MARS1: variants seen among roughly 807,000 people sequenced by gnomAD.
MARS1 encodes methionine--tRNA ligase, cytoplasmic.
MARS1 carries 80 observed loss-of-function variants against 119.5 expected under a neutral mutation model. The ratio of observed to expected loss-of-function variants is 0.67; its 90% CI spans 0.56 to 0.81. The LOEUF is 0.81. Among genes scored for constraint, MARS1 ranks in the 30% least tolerant of loss-of-function variants. The probability of loss-of-function intolerance (pLI) is 0.00; values close to 1 mark genes in which losing one functional copy is unlikely to be tolerated. For synonymous variants in MARS1, 418 were observed against 433.4 expected (o/e 0.96, Z 0.44); for missense variants, 945 against 1,116.5 (o/e 0.85, Z 2.19).
At position 57,512,244 on chromosome 12, in the gene MARS1, G is replaced by T; in HGVS notation, c.1644G>T (p.Leu548=). The T allele has an allele frequency of 6.2e-7, 1 of 1,613,886 alleles. No homozygotes were observed. The highest frequency in any genetic ancestry group is 8.5e-7 in the Non-Finnish European group (1 of 1,179,754). ...TAACCACATTCCCCTAGGTGGACCT[G>T]TATCAGTTCATGGCCAAAGACAATG... ...RWWKNPEQVD[L]YQFMAKDNVP... is the part of the protein sequence containing the mutation. The change falls in exon 14 of 21, where the codon CTG becomes CTT. Residue 548 remains leucine, a synonymous_variant. Transcript: ENST00000262027.
chr12:57,507,796 G>A (rs1432700450), intron 11 of MARS1, among the ~76,000 whole-genome samples: 7 of 149,868 alleles, frequency 4.7e-5, no homozygotes, highest in South Asian at 4.2e-4. Context: ...CTGGCCGGGC[G>A]GAGGCTGACC....
In MARS1 at chr12:57,515,073, A is replaced by C. The variant is rs373783296; in HGVS notation, c.2204+15A>C. On this transcript the variant is annotated intron_variant, in intron 17 of 20. Coordinates refer to ENST00000262027, the MANE Select transcript of MARS1 (RefSeq NM_004990.4). Reference sequence around the variant, plus strand: ...GAGGCTGACAGGTAGGTAAGCGGGGAGGGTTGGCTAAAGGCATAAAGTGGC... The same window carrying C: ...GAGGCTGACAGGTAGGTAAGCGGGGCGGGTTGGCTAAAGGCATAAAGTGGC... 3 of 1,613,952 alleles carry C rather than the reference A, an allele frequency of 1.9e-6. No individual in the cohort carries two copies. In the African/African-American group the frequency reaches 4.0e-5, roughly 22 times the overall value.
Position 57,498,485 on chromosome 12 carries a change from C to G in MARS1, c.953C>G (p.Thr318Arg), listed in dbSNP as rs1303392933. ...LCGTDEYGTATETKALEEGLT... is the reference protein window; with the variant it reads ...LCGTDEYGTARETKALEEGLT... ...GGGACAGATGAGTATGGTACAGCAA[C>G]AGAGACCAAGGCTCTGGAGGAGGGA... is the stretch of plus-strand genomic sequence containing the variant. Residue 318 changes from threonine (T) to arginine (R), a missense_variant, in exon 9 of 21, where the codon ACA (threonine) becomes AGA (arginine). Coordinates refer to ENST00000262027, the MANE Select transcript of MARS1 (RefSeq NM_004990.4). 6.2e-7 allele frequency: 1 copy of G among 1,614,112 alleles called. No individual in the cohort carries two copies. The highest frequency in any genetic ancestry group is 8.5e-7 in the Non-Finnish European group (1 of 1,180,054).
chr12:57,505,135 A>G (rs1877121515), intron 11 of MARS1, among the ~76,000 whole-genome samples: 1 of 151,038 alleles, frequency 6.6e-6, no homozygotes, highest in Non-Finnish European at 1.5e-5. Context: ...AGGCATGAGC[A>G]ACTGTGTCCA....
chr12:57,508,338 G>A (rs945819213), intron 11 of MARS1, among the ~76,000 whole-genome samples: 13 of 152,140 alleles, frequency 8.5e-5, no homozygotes, highest in Middle Eastern at 3.4e-3. Flanking sequence ...GTAGCGAGCC[G>A]AGATCACACC....
chr12:57,500,272 C>T, intron 9 of MARS1, 49 bp from the exon 10 acceptor site: 1 of 1,510,708 alleles, frequency 6.6e-7, no homozygotes, highest in Non-Finnish European at 9.2e-7. Context: ...GGAAGGGGTC[C>T]ACCACGTCTT....
At chr12:57,508,527 G>T (rs1316692072) in intron 11 of MARS1, among the ~76,000 whole-genome samples, 1 of 152,256 alleles carries the variant, frequency 6.6e-6, no homozygotes, top group African/African-American at 2.4e-5. Flanking sequence ...CAGGCGTGGC[G>T]GCACGCGCCC....
At position 57,515,619 on chromosome 12, in the gene MARS1, G is replaced by T. The variant is rs924174041; in HGVS notation, c.2391+283G>T. ...TCTCCATAATGCTAGCAGATAGTGG[G>T]CAGGGAAAATACAGGAAAGCCATTT... On this transcript the variant is annotated intron_variant, in intron 18 of 20. Transcript: ENST00000262027. 4 of 560,784 alleles carry T rather than the reference G, an allele frequency of 7.1e-6. No individual in the cohort carries two copies. The African/African-American group carries it at 7.5e-5, about 11-fold the overall frequency. The allele number at this position is 560,784 out of a possible 1,614,324, so 34.7% of individuals were successfully genotyped here.
intron 10 of MARS1, among the ~76,000 whole-genome samples, chr12:57,503,285 G>A (rs1284710712): frequency 4.0e-5 from 6 of 149,796 alleles, no homozygotes; most frequent in African/African-American, 1.5e-4. Flanking sequence ...CCGGGCTGGA[G>A]TGCAATGGCG....
Position 57,488,999 on chromosome 12 carries a change from A to G in MARS1, c.110-20A>G. 2 of 1,549,588 alleles carry G rather than the reference A, an allele frequency of 1.3e-6. No homozygotes were observed. The highest frequency in any genetic ancestry group is 2.2e-5 in the East Asian group (1 of 44,492). On this transcript the variant is annotated intron_variant, in intron 1 of 20. Transcript: ENST00000262027. Reference sequence around the variant, plus strand: ...TCTTTTCCTTTTTTTTTTTTAACCCATTTTCCATTCTTGCATCAGATTGTG... The same window carrying G: ...TCTTTTCCTTTTTTTTTTTTAACCCGTTTTCCATTCTTGCATCAGATTGTG...
chr12:57,496,239 C>T lies in MARS1; in HGVS notation c.771-1918C>T, dbSNP rs141612461. Among the ~76,000 whole-genome samples the T allele has an allele frequency of 2.6e-3, 385 of 150,574 alleles. 2 individuals are homozygous for T. The highest frequency in any genetic ancestry group is 8.5e-3 in the African/African-American group (347 of 40,912). ...GAGTGAGTGGCGCAATCTAGGCTCA[C>T]GGCAACCTCTGCCTCCTGGGTTCAA... On this transcript the variant is annotated intron_variant, in intron 7 of 20. Coordinates refer to ENST00000262027, the MANE Select transcript of MARS1 (RefSeq NM_004990.4).
At chr12:57,515,122 G>GTCTTGACTAA in intron 17 of MARS1, 28 bp from the exon 18 acceptor site, 1 of 1,614,142 alleles carries the variant, frequency 6.2e-7, no homozygotes, top group Non-Finnish European at 8.5e-7. Context: ...CCTCCTGGAG[G>GTCTTGACTAA]TCTTGACTAA....
At chr12:57,500,896 G>C (rs543578668) in intron 10 of MARS1, among the ~76,000 whole-genome samples, 19 of 152,124 alleles carry the variant, frequency 1.2e-4, no homozygotes, top group African/African-American at 4.6e-4. Flanking sequence ...CTTAGAATAG[G>C]CCAATTACAA....
rs1221198148 is a variant in MARS1 at position 57,489,471 on chromosome 12, G to C, written c.327G>C (p.Lys109Asn). ...ACTATTTAGTGGTCCAAGGCAAGAA[G>C]GGGGAAGATGTTCTTGGTTCAGTGC... ...ALYYLVVQGK[K>N]GEDVLGSVRR... Residue 109 changes from lysine to asparagine, a missense_variant, in exon 4 of 21, where the codon AAG (lysine) becomes AAC (asparagine). Coordinates refer to ENST00000262027, the MANE Select transcript of MARS1 (RefSeq NM_004990.4). 9 of 1,614,054 alleles carry C rather than the reference G, an allele frequency of 5.6e-6. No individual in the cohort carries two copies. The highest frequency in any genetic ancestry group is 1.3e-5 in the African/African-American group (1 of 74,898).
rs1877657210 is a variant in MARS1, at chr12:57,514,140, G to A, written c.1968-580G>A. On this transcript the variant is annotated intron_variant, in intron 15 of 20. Coordinates refer to ENST00000262027, the MANE Select transcript of MARS1 (RefSeq NM_004990.4). ...TAGCAGTTAACACATACTCAGCTTGGTCATTTTGAGTAATGACTTTTTTTT... is the reference window on the plus strand; with the variant it reads ...TAGCAGTTAACACATACTCAGCTTGATCATTTTGAGTAATGACTTTTTTTT... Among the ~76,000 whole-genome samples, 4 of 147,798 alleles carry A rather than the reference G, an allele frequency of 2.7e-5. No individual in the cohort carries two copies. In the South Asian group the frequency reaches 8.5e-4, roughly 31 times the overall value.
chr12:57,488,263 T>A, intron 1 of MARS1, 64 bp downstream of exon 1: 6 of 1,488,284 alleles, frequency 4.0e-6, no homozygotes, highest in Non-Finnish European at 5.6e-6. Flanking sequence ...CCAGATTCTC[T>A]GCAGCTGTCT....
chr12:57,489,658 C>T, intron 4 of MARS1, 100 bp downstream of exon 4: 1 of 1,485,778 alleles, frequency 6.7e-7, no homozygotes, highest in Non-Finnish European at 9.2e-7. Flanking sequence ...CTGCCACTTA[C>T]TAGTAGTGTA....
At chr12:57,515,446 C>G (rs1222611390) in intron 18 of MARS1, 110 bp downstream of exon 18, 2 of 1,072,566 alleles carry the variant, frequency 1.9e-6, no homozygotes, top group Non-Finnish European at 2.6e-6. Flanking sequence ...TCATGGGACT[C>G]CTAAGTTTCT....
In MARS1 at chr12:57,515,198, GCT is replaced by G. The variant is rs767751569; in HGVS notation, c.2258_2259del (p.Ser753CysfsTer11). 6.2e-7 allele frequency: 1 copy of G among 1,614,192 alleles called. No individual in the cohort carries two copies. Among genetic ancestry groups the G allele is most frequent in the Non-Finnish European group, 8.5e-7 (1 of 1,180,046 alleles). ...TGLAVNIAAL[L>X]SVMLQPYMPT... ...GCTTGGCAGTGAATATAGCTGCCTT[GCT>G]CTCTGTCATGCTTCAGCCTTACATG... On this transcript the variant is annotated frameshift_variant, in exon 18 of 21. Coordinates refer to ENST00000262027, the MANE Select transcript of MARS1 (RefSeq NM_004990.4). LOFTEE classifies it high-confidence loss of function.
Sources: allele counts gnomAD v4.1 joint callset (sites outside exome capture counted in the v4.1 genomes callset), GRCh38; gene constraint gnomAD v4.1.1; transcripts MANE v1.5; gene names NCBI Gene and HGNC (gene_info 2026-07-23, HGNC 2026-07-21).